Variants in DMD observed in about 807,000 individuals in gnomAD.
The protein encoded by DMD is mutant dystrophin.
DMD carries 63 observed loss-of-function variants against 330.1 expected under a neutral mutation model. That is an observed-to-expected ratio of 0.19 (90% confidence interval 0.16 to 0.24). The LOEUF (loss-of-function observed/expected upper bound fraction) is 0.24. Among genes scored for constraint, DMD ranks in the 10% least tolerant of loss-of-function variants. The pLI, the probability that DMD is intolerant of heterozygous loss-of-function variation, is 1.00. For missense variants in DMD, 3,344 were observed against 2,684.1 expected (o/e 1.25, Z -5.43); for synonymous variants, 1,223 against 959.8 (o/e 1.27, Z -5.07).
chrX:31,242,350 C>T (rs2147332279), intron 63 of DMD, among the ~76,000 whole-genome samples: 1 of 102,271 alleles, frequency 9.8e-6, no homozygotes, highest in East Asian at 3.3e-4. Flanking sequence ...GCCAGTCTTT[C>T]ATACCTTTGT....
intron 34 of DMD, among the ~76,000 whole-genome samples, chrX:32,376,046 G>A (rs1056946099): frequency 1.3e-4 from 15 of 111,446 alleles, no homozygotes; most frequent in Non-Finnish European, 1.1e-4. Flanking sequence ...TTGGGAGGCC[G>A]AGGCAGGTGG....
chrX:33,074,767 T>C (rs1031307994), intron 1 of DMD, among the ~76,000 whole-genome samples: 3 of 111,285 alleles, frequency 2.7e-5, no homozygotes, highest in South Asian at 3.8e-4. Context: ...TGTGTCCTTT[T>C]GACCTGGGAC....
At chrX:33,186,340 G>T (rs1244437764) in intron 1 of DMD, among the ~76,000 whole-genome samples, 1 of 111,863 alleles carries the variant, frequency 8.9e-6, no homozygotes, top group Non-Finnish European at 1.9e-5. Flanking sequence ...TTCTGTAAGA[G>T]ATACAAAGAT....
Position 32,639,733 on chromosome X carries a change from A to G in DMD, c.1331+4399T>C, listed in dbSNP as rs148873575. 6.3e-3 allele frequency among the ~76,000 whole-genome samples: 707 copies of G among 112,116 alleles called. 10 individuals are homozygous for G. Among genetic ancestry groups the G allele is most frequent in the African/African-American group, 0.022 (676 of 30,917 alleles). On this transcript the variant is annotated intron_variant, in intron 11 of 78. Transcript: ENST00000357033. ...TATCTGTATGGTTATCTTTCCTGACATTCCTTTGTAAGCATATTTTTAAAT... is the reference window on the plus strand; with the variant it reads ...TATCTGTATGGTTATCTTTCCTGACGTTCCTTTGTAAGCATATTTTTAAAT...
chrX:32,522,241 A>C (rs1165617404), intron 17 of DMD, among the ~76,000 whole-genome samples: 1 of 111,798 alleles, frequency 8.9e-6, no homozygotes, highest in Non-Finnish European at 1.9e-5. Context: ...GCCAGAACCC[A>C]AATCTGTGTT....
At chrX:33,014,333 A>G (rs974522108) in intron 2 of DMD, among the ~76,000 whole-genome samples, 2 of 112,067 alleles carry the variant, frequency 1.8e-5, no homozygotes, top group Non-Finnish European at 3.8e-5. Flanking sequence ...ATTGTGGACA[A>G]GCTGTCCTTT....
At chrX:32,121,581 A>G (rs1467847253) in intron 44 of DMD, among the ~76,000 whole-genome samples, 1 of 95,505 alleles carries the variant, frequency 1.0e-5, no homozygotes, top group Non-Finnish European at 2.1e-5. Flanking sequence ...GTTTCCTCCG[A>G]AAGCTTTCTT....
At chrX:32,841,470 C>T (rs2080151861) in intron 4 of DMD, among the ~76,000 whole-genome samples, 1 of 111,939 alleles carries the variant, frequency 8.9e-6, no homozygotes, top group African/African-American at 3.2e-5. Context: ...AACTACATTA[C>T]TCCACATTAC....
intron 44 of DMD, among the ~76,000 whole-genome samples, chrX:32,001,238 A>C (rs943261615): frequency 9.0e-6 from 1 of 111,161 alleles, no homozygotes; most frequent in Non-Finnish European, 1.9e-5. Flanking sequence ...TGTACACTTT[A>C]AAAAGGCGAT....
intron 9 of DMD, among the ~76,000 whole-genome samples, chrX:32,654,466 G>A (rs1347516778): frequency 1.8e-5 from 2 of 111,699 alleles, no homozygotes; most frequent in East Asian, 5.6e-4. Context: ...TGATTTGTGT[G>A]TGTTGAACCA....
At chrX:33,206,108 C>A (rs1265677292) in intron 1 of DMD, among the ~76,000 whole-genome samples, 1 of 111,503 alleles carries the variant, frequency 9.0e-6, no homozygotes, top group Non-Finnish European at 1.9e-5. Context: ...AAATAAATAA[C>A]TAAACTAAAA....
chrX:32,118,516 G>A (rs1172718941), intron 44 of DMD, among the ~76,000 whole-genome samples: 1 of 110,736 alleles, frequency 9.0e-6, no homozygotes, highest in African/African-American at 3.3e-5. Context: ...GATAACCAAA[G>A]CTGATATTGC....
chrX:31,303,999 A>C (rs940837528), intron 62 of DMD, among the ~76,000 whole-genome samples: 1 of 112,350 alleles, frequency 8.9e-6, no homozygotes, highest in Non-Finnish European at 1.9e-5. Context: ...CAATGAATGA[A>C]TCAGTCAAGA....
chrX:31,967,866 C>G (rs1384826514), intron 45 of DMD, among the ~76,000 whole-genome samples: 2 of 111,713 alleles, frequency 1.8e-5, no homozygotes, highest in African/African-American at 6.5e-5. Flanking sequence ...GGCTCAAGTT[C>G]CCCTTCAAGA....
intron 44 of DMD, among the ~76,000 whole-genome samples, chrX:31,969,031 C>A (rs982782726): frequency 5.4e-5 from 6 of 111,136 alleles, no homozygotes; most frequent in Non-Finnish European, 1.1e-4. Flanking sequence ...AAATTCATTT[C>A]AAATTCTGTC....
intron 60 of DMD, among the ~76,000 whole-genome samples, chrX:31,357,218 C>T (rs1455769264): frequency 9.0e-6 from 1 of 110,822 alleles, no homozygotes; most frequent in Non-Finnish European, 1.9e-5. Context: ...GCCATTGGAG[C>T]ATTCCTTTCT....
intron 9 of DMD, among the ~76,000 whole-genome samples, chrX:32,679,453 T>C (rs989489772): frequency 8.1e-5 from 9 of 111,513 alleles, no homozygotes; most frequent in African/African-American, 2.9e-4. Context: ...CCCAACTCTT[T>C]CTGGTTTTTT....
At chrX:33,126,304 A>T (rs1311084443) in intron 1 of DMD, among the ~76,000 whole-genome samples, 1 of 112,378 alleles carries the variant, frequency 8.9e-6, no homozygotes, top group East Asian at 2.8e-4. Flanking sequence ...AAGAGAACAC[A>T]GGTAACTAGA....
intron 1 of DMD, among the ~76,000 whole-genome samples, chrX:33,331,050 G>A (rs2054165995): frequency 1.8e-5 from 2 of 112,245 alleles, no homozygotes; most frequent in African/African-American, 6.5e-5. Flanking sequence ...TAGTCATCTT[G>A]CTCTAGCACA....
Sources: allele counts gnomAD v4.1 joint callset (sites outside exome capture counted in the v4.1 genomes callset), GRCh38; gene constraint gnomAD v4.1.1; transcripts MANE v1.5; gene names NCBI Gene and HGNC (gene_info 2026-07-23, HGNC 2026-07-21).